The following EIF3L variants were observed in gnomAD, a reference collection of about 807,000 sequenced individuals.
The protein encoded by EIF3L is eIEF associated protein HSPC021.
In EIF3L, 32 loss-of-function variants were observed where a neutral mutation model predicts 74.6. That is an observed-to-expected ratio of 0.43 (90% confidence interval 0.32 to 0.58). The LOEUF (loss-of-function observed/expected upper bound fraction) is 0.58, where lower values mean the gene tolerates loss of function less well. Ranked by LOEUF, EIF3L falls within the 20% of genes least tolerant of loss-of-function variation. EIF3L has a pLI of 0.06. For synonymous variants in EIF3L, 256 were observed against 254.4 expected, an observed-to-expected ratio of 1.01 and a Z score of -0.06; for missense variants, 474 against 707.8, an observed-to-expected ratio of 0.67 and a Z score of 3.75.
rs1925455540 is a variant in EIF3L at position 37,855,547 on chromosome 22, T to A, written c.294-18T>A. ...CCAGTCCTTTTGGAATTTTAGAGAT[T>A]TTTTTCTTGATTTTTAGCTGGACCA... On this transcript the variant is annotated intron_variant, in intron 3 of 12. Transcript: ENST00000652021. 2 of 1,612,956 alleles carry A rather than the reference T, an allele frequency of 1.2e-6. No homozygotes were observed. Among genetic ancestry groups the A allele is most frequent in the African/African-American group, 2.7e-5 (2 of 74,890 alleles).
intron 7 of EIF3L, among the ~76,000 whole-genome samples, 180 bp from the exon 8 acceptor site, chr22:37,869,996 C>T (rs1926385862): frequency 6.6e-6 from 1 of 152,168 alleles, no homozygotes. Flanking sequence ...ACAGAATTCA[C>T]AGTTTAGTCA....
At chr22:37,853,364 G>A (rs922071283) in intron 3 of EIF3L, among the ~76,000 whole-genome samples, 2 of 152,244 alleles carry the variant, frequency 1.3e-5, no homozygotes, top group African/African-American at 4.8e-5. Flanking sequence ...ATGAAAGAAA[G>A]GAAAGGACAG....
In EIF3L at chr22:37,878,109, G is replaced by T; in HGVS notation, c.1513G>T (p.Gly505Cys). 1 of 1,614,040 alleles carries T rather than the reference G, an allele frequency of 6.2e-7. No homozygotes were observed. The highest frequency in any genetic ancestry group is 8.5e-7 in the Non-Finnish European group (1 of 1,180,000). ...GATGAAGAACCTCGTGTGGACCAGC[G>T]GTATCTCAGCCCTGGATGGTGAATT... The part of the protein sequence containing the change: ...HKMKNLVWTS[G>C]ISALDGEFQS... The change falls in exon 11 of 13, where the codon GGT (glycine) becomes TGT (cysteine). Residue 505 changes from glycine to cysteine, a missense_variant. By Grantham distance (159) the Gly-to-Cys change is radical. Transcript: ENST00000652021.
At chr22:37,855,241 A>T (rs1244928477) in intron 3 of EIF3L, among the ~76,000 whole-genome samples, 1 of 152,186 alleles carries the variant, frequency 6.6e-6, no homozygotes, top group Non-Finnish European at 1.5e-5. Context: ...ACGCTGTGTT[A>T]AAGAATGGTG....
chr22:37,877,621 C>T, intron 10 of EIF3L, 53 bp from the exon 11 acceptor site: 1 of 1,537,214 alleles, frequency 6.5e-7, no homozygotes, highest in East Asian at 2.3e-5. Flanking sequence ...GCAGTGGGGA[C>T]CTCAGGAAGT....
chr22:37,879,813 T>C (rs1485366734), intron 11 of EIF3L: 1 of 151,994 alleles, frequency 6.6e-6, no homozygotes, highest in Non-Finnish European at 1.5e-5. Context: ...TTTTTTTTTT[T>C]TTTTGAGATG....
intron 3 of EIF3L, among the ~76,000 whole-genome samples, chr22:37,853,251 T>C (rs770306475): frequency 3.9e-5 from 6 of 152,084 alleles, no homozygotes; most frequent in Non-Finnish European, 7.3e-5. Context: ...AGTTCTTGAC[T>C]CCTAACAAGA....
In EIF3L at chr22:37,888,540, A is replaced by G; in HGVS notation, c.*76A>G. ...GTGTTTTTGCTACCGTGAAACCTTT[A>G]CCTAGATCAGCCATCAGCCTGTCAA... On this transcript the variant is annotated 3_prime_UTR_variant, in exon 13 of 13. Coordinates refer to ENST00000652021, the MANE Select transcript of EIF3L (RefSeq NM_016091.4). 4 of 1,478,240 alleles carry G rather than the reference A, an allele frequency of 2.7e-6. No individual in the cohort carries two copies. The highest frequency in any genetic ancestry group is 2.8e-6 in the Non-Finnish European group (3 of 1,061,004). The allele number at this position is 1,478,240 out of a possible 1,614,324, so 91.6% of individuals were successfully genotyped here.
chr22:37,855,505 G>A (rs1601754458), intron 3 of EIF3L, 60 bp from the exon 4 acceptor site: 1 of 1,475,572 alleles, frequency 6.8e-7, no homozygotes. Context: ...TCTGTAAAAT[G>A]TTAGGATTGG....
chr22:37,875,279 G>A (rs912466026), intron 9 of EIF3L, among the ~76,000 whole-genome samples: 1 of 151,684 alleles, frequency 6.6e-6, no homozygotes, highest in African/African-American at 2.4e-5. Context: ...TCAGGAGGCT[G>A]AGGTAGGAGA....
At chr22:37,868,469 CCTAAGGCGGAGTCTTGCT>C (rs1242208173) in intron 7 of EIF3L, among the ~76,000 whole-genome samples, 6 of 148,624 alleles carry the variant, frequency 4.0e-5, no homozygotes, top group Admixed American at 6.8e-5. Context: ...TTTTTTCCCC[CCTAAGGCGGAGTCTTGCT>C]CTGTCACCTA....
intron 7 of EIF3L, among the ~76,000 whole-genome samples, chr22:37,866,974 C>T (rs1457337454): frequency 6.6e-6 from 1 of 152,020 alleles, no homozygotes; most frequent in Non-Finnish European, 1.5e-5. Flanking sequence ...ATATATTGTC[C>T]CACCAATGGG....
intron 12 of EIF3L, 88 bp downstream of exon 12, chr22:37,886,933 C>A: frequency 2.8e-6 from 3 of 1,084,106 alleles, no homozygotes; most frequent in East Asian, 3.0e-5. Context: ...AATTTTTATT[C>A]CTTTATTTAT....
chr22:37,863,143 G>A (rs1007931138), intron 6 of EIF3L, 105 bp downstream of exon 6: 8 of 1,117,072 alleles, frequency 7.2e-6, no homozygotes, highest in South Asian at 5.9e-5. Context: ...ATCTTAATGT[G>A]TAGGTGGGAA....
Position 37,877,740 on chromosome 22 carries a change from A to G in EIF3L, c.1144A>G (p.Ile382Val), listed in dbSNP as rs1926828430. The stretch of plus-strand genomic sequence containing the variant: ...TGCCCTCACGATGTACCCCATGCGT[A>G]TTGATGAGAGCATTCACCTCCAGCT... The part of the protein sequence containing the change: ...AIALTMYPMR[I>V]DESIHLQLRE... Residue 382 changes from isoleucine to valine, a missense_variant, in exon 11 of 13, where the codon ATT becomes GTT. Physicochemically the swap from Ile to Val is conservative, Grantham distance 29 (BLOSUM62 3). Transcript: ENST00000652021. The G allele has an allele frequency of 6.2e-7, 1 of 1,613,706 alleles. No individual in the cohort carries two copies. The highest frequency in any genetic ancestry group is 8.5e-7 in the Non-Finnish European group (1 of 1,179,842).
chr22:37,860,377 C>T (rs1244664286), intron 5 of EIF3L, among the ~76,000 whole-genome samples: 6 of 152,188 alleles, frequency 3.9e-5, no homozygotes, highest in Admixed American at 1.3e-4. Context: ...GTTTTTGAGA[C>T]GGAGTCTCGC....
intron 8 of EIF3L, among the ~76,000 whole-genome samples, chr22:37,871,732 G>C (rs1348463126): frequency 1.3e-5 from 2 of 151,946 alleles, no homozygotes; most frequent in Non-Finnish European, 2.9e-5. Context: ...AGCCGGGCCT[G>C]GTGGTGGGCA....
At position 37,869,855 on chromosome 22, in the gene EIF3L, G is replaced by A. The variant is rs138666334; in HGVS notation, c.580-321G>A. 3.9e-5 allele frequency among the ~76,000 whole-genome samples: 6 copies of A among 152,258 alleles called. No individual in the cohort carries two copies. The East Asian group carries it at 1.2e-3, about 29-fold the overall frequency. On this transcript the variant is annotated intron_variant, in intron 7 of 12. Transcript: ENST00000652021. ...GGTGTTTCTGGTGGCCCGGTCAACT[G>A]CATTGTGAGGCCCAGAGACAGGAAG...
chr22:37,877,835 C>T lies in EIF3L; in HGVS notation c.1239C>T (p.Phe413=), dbSNP rs1311545151. The change falls in exon 11 of 13, where the codon TTC becomes TTT. Residue 413 remains phenylalanine (F), a synonymous_variant. Coordinates refer to ENST00000652021, the MANE Select transcript of EIF3L (RefSeq NM_016091.4). ...ACCCACAAGTCTATGAAGAACTTTTCAGTTACTCCTGCCCCAAGTTCCTGT... is the reference window on the plus strand; with the variant it reads ...ACCCACAAGTCTATGAAGAACTTTTTAGTTACTCCTGCCCCAAGTTCCTGT... The part of the protein sequence containing the change: ...KGDPQVYEEL[F]SYSCPKFLSP... 6.2e-7 allele frequency: 1 copy of T among 1,613,762 alleles called. No individual in the cohort carries two copies. The highest frequency in any genetic ancestry group is 1.3e-5 in the African/African-American group (1 of 74,906).
Sources: allele counts gnomAD v4.1 joint callset (sites outside exome capture counted in the v4.1 genomes callset), GRCh38; gene constraint gnomAD v4.1.1; transcripts MANE v1.5; gene names NCBI Gene and HGNC (gene_info 2026-07-23, HGNC 2026-07-21).